The following LMF1 variants were observed in gnomAD, a reference collection of about 807,000 sequenced individuals.
LMF1 encodes transmembrane protein 112.
Under a neutral mutation model 60.6 loss-of-function variants are expected in LMF1, and 68 were observed. The observed-to-expected ratio is 1.12, with a 90% CI of 0.92 to 1.37. The LOEUF is 1.37. Ranked by LOEUF, LMF1 falls within the 40% of genes most tolerant of loss-of-function variation. The probability of loss-of-function intolerance (pLI) is 0.00; values close to 1 mark genes in which losing one functional copy is unlikely to be tolerated. For missense variants in LMF1, 948 were observed against 767.2 expected (o/e 1.24, Z -2.78); for synonymous variants, 418 against 324.7 (o/e 1.29, Z -3.09).
chr16:894,552 G>A (rs552817243), intron 4 of LMF1, among the ~76,000 whole-genome samples: 2 of 152,260 alleles, frequency 1.3e-5, no homozygotes, highest in South Asian at 4.1e-4. Flanking sequence ...TGCTGCAGGC[G>A]CAGGTGCGAC....
At chr16:975,199 G>A (rs1317391826), upstream of LMF1, among the ~76,000 whole-genome samples, 1 of 152,216 alleles carries the variant, frequency 6.6e-6, no homozygotes, top group Non-Finnish European at 1.5e-5. Context: ...ACCCCAGAAG[G>A]AGATGCGGCT....
chr16:967,654 G>A (rs1002134903), intron 1 of LMF1, among the ~76,000 whole-genome samples: 1 of 152,246 alleles, frequency 6.6e-6, no homozygotes, highest in South Asian at 2.1e-4. Context: ...TCAGTGTCAG[G>A]CATCCCCGAC....
Position 967,315 on chromosome 16 carries a change from C to T in LMF1, c.193+3473G>A, listed in dbSNP as rs578138952. Among the ~76,000 whole-genome samples, 438 of 152,338 alleles carry T rather than the reference C, an allele frequency of 2.9e-3. 1 individual carries two copies. Among genetic ancestry groups the T allele is most frequent in the African/African-American group, 6.5e-3 (270 of 41,578 alleles). ...GAGGGCCTCAATCTTCCGCAGGGAA[C>T]GCCGGGCCACAACGTCGACGCACGA... is the stretch of plus-strand genomic sequence containing the variant. On this transcript the variant is annotated intron_variant, in intron 1 of 10. Transcript: ENST00000262301.
intron 3 of LMF1, among the ~76,000 whole-genome samples, chr16:918,509 GCAC>G (rs1309481700): frequency 2.0e-5 from 3 of 152,246 alleles, no homozygotes; most frequent in Non-Finnish European, 4.4e-5. Context: ...AGGCTGGTGG[GCAC>G]CACACCTGAC....
chr16:890,456 C>T (rs1459721944), intron 5 of LMF1, among the ~76,000 whole-genome samples: 3 of 152,098 alleles, frequency 2.0e-5, no homozygotes, highest in Non-Finnish European at 4.4e-5. Context: ...GCCAGAGCCT[C>T]ACGCTGCCTG....
chr16:966,360 G>A (rs544315934), intron 1 of LMF1, among the ~76,000 whole-genome samples: 5 of 152,226 alleles, frequency 3.3e-5, no homozygotes, highest in African/African-American at 4.8e-5. Context: ...CCCTGGCCGG[G>A]GCGGTTCCCT....
intron 4 of LMF1, among the ~76,000 whole-genome samples, chr16:906,145 G>C (rs1279164243): frequency 6.6e-6 from 1 of 152,216 alleles, no homozygotes; most frequent in Non-Finnish European, 1.5e-5. Context: ...CAGTTGAATT[G>C]ACTTGGTGGC....
intron 2 of LMF1, among the ~76,000 whole-genome samples, chr16:952,801 ATGTC>A (rs2072514541): frequency 2.0e-5 from 3 of 149,850 alleles, no homozygotes; most frequent in African/African-American, 2.4e-5. Flanking sequence ...AGCCTCCTAC[ATGTC>A]CACACAGACA....
intron 1 of LMF1, among the ~76,000 whole-genome samples, chr16:966,399 C>A (rs1389196721): frequency 2.0e-5 from 3 of 152,260 alleles, no homozygotes; most frequent in Non-Finnish European, 4.4e-5. Flanking sequence ...TCGGCCCCCA[C>A]AAACACATGG....
In LMF1 at chr16:870,785, G is replaced by A. The variant is rs1023341490; in HGVS notation, c.1176C>T (p.Val392=). 4 of 1,612,990 alleles carry A rather than the reference G, an allele frequency of 2.5e-6. No individual in the cohort carries two copies. The highest frequency in any genetic ancestry group is 3.4e-6 in the Non-Finnish European group (4 of 1,179,820). ...VVLNLLSSRQ[V]MNTHFNSLHI... ...GAAGAGAGTTGAAGTGGGTGTTCAT[G>A]ACCTGCCTGGAGCTCAGCAAGTTGA... The change falls in exon 8 of 11, where the codon GTC becomes GTT. Residue 392 remains valine, a synonymous_variant. Transcript: ENST00000262301.
chr16:968,560 T>C (rs2072974150), intron 1 of LMF1: 1 of 152,226 alleles, frequency 6.6e-6, no homozygotes, highest in South Asian at 2.1e-4. Flanking sequence ...AAATGCAGGA[T>C]GACTGCCTGC....
intron 3 of LMF1, among the ~76,000 whole-genome samples, chr16:922,037 G>GT (rs1334952491): frequency 6.6e-6 from 1 of 152,160 alleles, no homozygotes; most frequent in African/African-American, 2.4e-5. Context: ...CAGCTGAGGA[G>GT]TAAGGGGAGA....
At chr16:931,597 T>C in intron 3 of LMF1, 1 of 1,272,420 alleles carries the variant, frequency 7.9e-7, no homozygotes, top group Non-Finnish European at 1.0e-6. Context: ...GACCTTCCAG[T>C]GCCTTTGGTC....
At chr16:877,446 C>T (rs114745012) in intron 6 of LMF1, among the ~76,000 whole-genome samples, 317 of 151,902 alleles carry the variant, frequency 2.1e-3, no homozygotes, top group African/African-American at 7.4e-3. Context: ...GTCACCTCTG[C>T]TTTCCAGACT....
Position 879,713 on chromosome 16 carries a change from C to T in LMF1, c.754G>A (p.Ala252Thr). The T allele has an allele frequency of 6.3e-7, 1 of 1,597,442 alleles. No individual in the cohort carries two copies. The highest frequency in any genetic ancestry group is 1.7e-4 in the Middle Eastern group (1 of 6,038). The change falls in exon 6 of 11, where the codon GCG (alanine) becomes ACG (threonine). Residue 252 changes from alanine (A) to threonine (T), a missense_variant. Transcript: ENST00000262301. ...CAGGGTGAGTGGTGCAGGTAGTACG[C>T]CACAGGATTGGGCATCGGCTGGGTC... ...YETQPMPNPV[A>T]YYLHHSPWWF...
intron 6 of LMF1, chr16:872,553 C>G (rs1367401167): frequency 6.6e-6 from 1 of 152,352 alleles, no homozygotes; most frequent in Admixed American, 6.5e-5. Flanking sequence ...GGGTTAGCCA[C>G]CTCTGCCACC....
intron 5 of LMF1, among the ~76,000 whole-genome samples, chr16:890,846 C>T (rs2070462999): frequency 8.0e-6 from 1 of 124,938 alleles, no homozygotes. Context: ...CCTGACACTG[C>T]TGCGGCCAAC....
intron 3 of LMF1, among the ~76,000 whole-genome samples, chr16:913,370 G>A (rs144965552): frequency 5.4e-4 from 83 of 152,352 alleles, no homozygotes; most frequent in Middle Eastern, 3.4e-3. Flanking sequence ...CACAGACAGC[G>A]TTGGCCCAAT....
chr16:972,485 G>A (rs2073068933), upstream of LMF1, among the ~76,000 whole-genome samples: 1 of 152,190 alleles, frequency 6.6e-6, no homozygotes, highest in Admixed American at 6.5e-5. Flanking sequence ...TGACCTGGGG[G>A]CCAGCTTAGG....
Sources: gnomAD v4.1 joint callset for allele counts (sites outside exome capture counted in the v4.1 genomes callset) on GRCh38, gnomAD v4.1.1 for gene constraint, MANE v1.5 for transcripts, NCBI Gene and HGNC (gene_info 2026-07-23, HGNC 2026-07-21) for gene names.